The following SGCZ variants were observed in gnomAD, a reference collection of about 807,000 sequenced individuals.
SGCZ encodes zeta-sarcoglycan.
SGCZ carries 40 observed loss-of-function variants against 41.3 expected under a neutral mutation model. That is an observed-to-expected ratio of 0.97 (90% CI 0.75 to 1.26). SGCZ has a LOEUF of 1.26. Among genes scored for constraint, SGCZ ranks in the 50% most tolerant of loss-of-function variants. The pLI is 0.00. For synonymous variants in SGCZ, 206 were observed against 137.5 expected, an observed-to-expected ratio of 1.50 and a Z score of -3.49; for missense variants, 552 against 369.8, an observed-to-expected ratio of 1.49 and a Z score of -4.04.
At chr8:14,197,911 A>AT (rs560036087) in intron 4 of SGCZ, among the ~76,000 whole-genome samples, 12 of 152,202 alleles carry the variant, frequency 7.9e-5, no homozygotes, top group Admixed American at 6.5e-4. Context: ...AAAATTAAAA[A>AT]ATATATATAA....
At chr8:15,164,310 G>A (rs956714442) in intron 1 of SGCZ, among the ~76,000 whole-genome samples, 6 of 152,098 alleles carry the variant, frequency 3.9e-5, no homozygotes, top group African/African-American at 1.2e-4. Context: ...GGGATACCAT[G>A]CCTTTTTCTT....
intron 1 of SGCZ, among the ~76,000 whole-genome samples, chr8:14,927,166 T>C (rs1340877821): frequency 1.4e-5 from 2 of 138,308 alleles, no homozygotes; most frequent in South Asian, 2.3e-4. Context: ...TGGAGTGCAA[T>C]GGCGCGATCT....
At chr8:14,468,694 C>T (rs1284018576) in intron 2 of SGCZ, among the ~76,000 whole-genome samples, 1 of 152,008 alleles carries the variant, frequency 6.6e-6, no homozygotes, top group East Asian at 1.9e-4. Flanking sequence ...GTAATTTATT[C>T]AAGTTCATGC....
intron 1 of SGCZ, among the ~76,000 whole-genome samples, chr8:15,163,581 TAAAGAA>T (rs1799574147): frequency 6.6e-6 from 1 of 152,210 alleles, no homozygotes; most frequent in Non-Finnish European, 1.5e-5. Context: ...TCCTATTTCT[TAAAGAA>T]AAAGTCTGAT....
intron 3 of SGCZ, among the ~76,000 whole-genome samples, chr8:14,261,778 A>C (rs1346298751): frequency 6.6e-6 from 1 of 152,176 alleles, no homozygotes; most frequent in African/African-American, 2.4e-5. Context: ...CCAATAAATT[A>C]TTCCATTTCA....
At chr8:14,278,962 A>G (rs1388651170) in intron 3 of SGCZ, among the ~76,000 whole-genome samples, 1 of 152,156 alleles carries the variant, frequency 6.6e-6, no homozygotes, top group Non-Finnish European at 1.5e-5. Context: ...ATCTCTCTGA[A>G]TAAATTTATG....
At chr8:14,591,776 A>T (rs975706283) in intron 1 of SGCZ, among the ~76,000 whole-genome samples, 1 of 152,138 alleles carries the variant, frequency 6.6e-6, no homozygotes, top group Non-Finnish European at 1.5e-5. Flanking sequence ...CCATTATGAA[A>T]AGCACTTTTG....
chr8:14,552,727 A>C (rs11985463), intron 2 of SGCZ, among the ~76,000 whole-genome samples: 125 of 152,148 alleles, frequency 8.2e-4, no homozygotes, highest in African/African-American at 2.8e-3. Flanking sequence ...GGGATGGCTT[A>C]TCCAGCCTTG....
chr8:14,394,207 G>T (rs1252858039), intron 2 of SGCZ, among the ~76,000 whole-genome samples: 2 of 142,458 alleles, frequency 1.4e-5, no homozygotes, highest in African/African-American at 2.6e-5. Flanking sequence ...CTGGAGTGCA[G>T]TGGCATGATC....
At chr8:15,114,077 A>G (rs541009187) in intron 1 of SGCZ, among the ~76,000 whole-genome samples, 6 of 152,324 alleles carry the variant, frequency 3.9e-5, no homozygotes, top group African/African-American at 1.4e-4. Context: ...ATGTTTCCTG[A>G]TAAATTTGAC....
chr8:15,020,771 G>A (rs950480665), intron 1 of SGCZ, among the ~76,000 whole-genome samples: 1 of 152,136 alleles, frequency 6.6e-6, no homozygotes, highest in Non-Finnish European at 1.5e-5. Context: ...GTGAAAAGTA[G>A]CTAACACAAC....
chr8:14,148,620 A>C (rs1452661189), intron 5 of SGCZ, among the ~76,000 whole-genome samples: 2 of 152,150 alleles, frequency 1.3e-5, no homozygotes, highest in African/African-American at 4.8e-5. Flanking sequence ...TTAAAGAGGA[A>C]TGAATACCAA....
Position 14,191,005 on chromosome 8 carries a change from C to T in SGCZ, c.425-26303G>A, listed in dbSNP as rs934192329. ...CCTTTTCGTCACATCCTCGTCAACA[C>T]CTGTAATGACTCGTCTTTTTGATAT... is the stretch of plus-strand genomic sequence containing the variant. On this transcript the variant is annotated intron_variant, in intron 4 of 7. Transcript: ENST00000382080. Among the ~76,000 whole-genome samples the T allele has an allele frequency of 7.9e-5, 12 of 152,154 alleles. 1 individual carries two copies.
intron 3 of SGCZ, among the ~76,000 whole-genome samples, chr8:14,248,783 T>C (rs1025506091): frequency 3.9e-5 from 6 of 151,948 alleles, no homozygotes; most frequent in Non-Finnish European, 8.8e-5. Flanking sequence ...TCTGCTTGGA[T>C]TATGAGGGGT....
chr8:14,914,729 G>A (rs1403150058), intron 1 of SGCZ, among the ~76,000 whole-genome samples: 1 of 152,096 alleles, frequency 6.6e-6, no homozygotes, highest in East Asian at 1.9e-4. Flanking sequence ...GGCAAATCCA[G>A]AAGAAAACAG....
chr8:14,895,331 G>C (rs1001862674), intron 1 of SGCZ, among the ~76,000 whole-genome samples: 1 of 152,058 alleles, frequency 6.6e-6, no homozygotes, highest in Non-Finnish European at 1.5e-5. Flanking sequence ...TTGAATAGCT[G>C]TGAAGATCGA....
rs1025176339 is a variant in SGCZ at position 14,085,929 on chromosome 8, T to C, written c.*4514A>G. Among the ~76,000 whole-genome samples the C allele has an allele frequency of 1.3e-5, 2 of 151,896 alleles. No individual in the cohort carries two copies. Among genetic ancestry groups the C allele is most frequent in the Non-Finnish European group, 3.0e-5 (2 of 67,792 alleles). ...AATAGAAATCCCATTCTTTGGTCTT[T>C]GACATTTAAACAACTAATAAATTTC... On this transcript the variant is annotated 3_prime_UTR_variant, in exon 8 of 8. Coordinates refer to ENST00000382080, the MANE Select transcript of SGCZ (RefSeq NM_139167.4).
intron 1 of SGCZ, among the ~76,000 whole-genome samples, chr8:14,832,812 C>T (rs867658929): frequency 2.0e-5 from 3 of 151,996 alleles, no homozygotes; most frequent in Non-Finnish European, 2.9e-5. Context: ...ATTCATTAAT[C>T]CAACCTTTCA....
At chr8:14,203,193 C>A (rs1365298589) in intron 4 of SGCZ, among the ~76,000 whole-genome samples, 1 of 152,144 alleles carries the variant, frequency 6.6e-6, no homozygotes, top group Non-Finnish European at 1.5e-5. Context: ...AGTGCGAAAG[C>A]AGACTAATAC....
Sources: gnomAD v4.1 joint callset for allele counts (sites outside exome capture counted in the v4.1 genomes callset) on GRCh38, gnomAD v4.1.1 for gene constraint, MANE v1.5 for transcripts, NCBI Gene and HGNC (gene_info 2026-07-23, HGNC 2026-07-21) for gene names.